Variants in IQCM observed in about 807,000 individuals in gnomAD.
The protein encoded by IQCM is IQ domain-containing protein M.
Under a neutral mutation model 57.6 loss-of-function variants are expected in IQCM, and 45 were observed. That is an observed-to-expected ratio of 0.78 (90% CI 0.62 to 1.00). The LOEUF is 1.00. Ranked by LOEUF, IQCM falls within the 50% of genes least tolerant of loss-of-function variation. The probability of loss-of-function intolerance (pLI) is 0.00; values close to 1 mark genes in which losing one functional copy is unlikely to be tolerated. For synonymous variants in IQCM, 148 were observed against 158.9 expected (o/e 0.93, Z 0.51); for missense variants, 468 against 511.6 (o/e 0.91, Z 0.82).
intron 12 of IQCM, among the ~76,000 whole-genome samples, chr4:149,546,339 A>T (rs1211080758): frequency 6.6e-6 from 1 of 152,192 alleles, no homozygotes; most frequent in African/African-American, 2.4e-5. Context: ...ATACCCAGTA[A>T]TGGGATGGCT....
chr4:149,417,818 T>TC lies in IQCM; in HGVS notation c.1390+15577dup, dbSNP rs1240884450. 1.0e-4 allele frequency among the ~76,000 whole-genome samples: 15 copies of TC among 149,030 alleles called. No homozygotes were observed. In the South Asian group the frequency reaches 3.0e-3, roughly 29 times the overall value. On this transcript the variant is annotated intron_variant, in intron 13 of 13. Coordinates refer to ENST00000636793, the MANE Select transcript of IQCM (RefSeq NM_001363507.2). The stretch of plus-strand genomic sequence containing the variant: ...CAAAAGCATTCTCTATTTCCCTTTT[T>TC]CCTTTTTTTTTTTTTTTGGAAGGCA...
chr4:149,367,126 T>C (rs191447079), intron 13 of IQCM, among the ~76,000 whole-genome samples: 72 of 152,118 alleles, frequency 4.7e-4, no homozygotes, highest in Middle Eastern at 3.4e-3. Context: ...ATTAGTAACA[T>C]GTTTCATTGA....
At chr4:149,693,946 C>T (rs961328540) in intron 5 of IQCM, among the ~76,000 whole-genome samples, 5 of 152,168 alleles carry the variant, frequency 3.3e-5, no homozygotes, top group Admixed American at 1.3e-4. Context: ...TCTATCTTAA[C>T]ATTGAAACAA....
chr4:149,740,976 A>C (rs1228250563), intron 3 of IQCM, among the ~76,000 whole-genome samples: 1 of 152,138 alleles, frequency 6.6e-6, no homozygotes, highest in Non-Finnish European at 1.5e-5. Flanking sequence ...AAGTAAATAG[A>C]AGCTCTTTGG....
At chr4:149,596,486 A>C (rs1203547253) in intron 8 of IQCM, among the ~76,000 whole-genome samples, 1 of 152,074 alleles carries the variant, frequency 6.6e-6, no homozygotes, top group Non-Finnish European at 1.5e-5. Flanking sequence ...TGCAGTTGAG[A>C]GGTAAACATT....
intron 2 of IQCM, among the ~76,000 whole-genome samples, chr4:149,751,681 C>T (rs192897335): frequency 6.6e-6 from 1 of 152,316 alleles, no homozygotes; most frequent in East Asian, 1.9e-4. Flanking sequence ...ACCTGGTCCA[C>T]TCAGTAAGTA....
chr4:149,566,211 C>G (rs1750617826), intron 9 of IQCM, among the ~76,000 whole-genome samples: 1 of 152,120 alleles, frequency 6.6e-6, no homozygotes, highest in African/African-American at 2.4e-5. Context: ...GCATCAAGAT[C>G]TACTATGAAA....
intron 5 of IQCM, among the ~76,000 whole-genome samples, chr4:149,703,303 T>C (rs1319430400): frequency 6.6e-6 from 1 of 151,924 alleles, no homozygotes; most frequent in Admixed American, 6.6e-5. Flanking sequence ...ATCAAATGGG[T>C]TTATGGAATT....
chr4:149,637,944 A>G (rs1757864937), intron 7 of IQCM, among the ~76,000 whole-genome samples: 2 of 152,222 alleles, frequency 1.3e-5, no homozygotes, highest in South Asian at 4.1e-4. Flanking sequence ...TTAAAAATGG[A>G]AAAATTGGAC....
chr4:149,473,406 A>T (rs1017195673), intron 12 of IQCM, among the ~76,000 whole-genome samples: 1 of 152,242 alleles, frequency 6.6e-6, no homozygotes, highest in Non-Finnish European at 1.5e-5. Flanking sequence ...AGAGAAATGC[A>T]TATCAAAACC....
intron 7 of IQCM, among the ~76,000 whole-genome samples, chr4:149,676,790 T>C (rs756398114): frequency 6.6e-6 from 1 of 152,080 alleles, no homozygotes; most frequent in East Asian, 1.9e-4. Flanking sequence ...CTTTTCTTTT[T>C]CCTTTAATAA....
intron 13 of IQCM, among the ~76,000 whole-genome samples, chr4:149,359,901 C>T (rs1729351681): frequency 6.6e-6 from 1 of 152,124 alleles, no homozygotes; most frequent in Non-Finnish European, 1.5e-5. Context: ...CATTGAGTAT[C>T]TACTGAGTCC....
intron 2 of IQCM, among the ~76,000 whole-genome samples, chr4:149,792,011 C>T (rs1772668998): frequency 6.6e-6 from 1 of 152,088 alleles, no homozygotes; most frequent in African/African-American, 2.4e-5. Context: ...TAAACTGATG[C>T]AAATAGGATG....
chr4:149,504,239 T>C (rs1312518501), intron 12 of IQCM, among the ~76,000 whole-genome samples: 1 of 152,078 alleles, frequency 6.6e-6, no homozygotes, highest in Non-Finnish European at 1.5e-5. Flanking sequence ...ACAGTATAAA[T>C]TTAAAAAAAC....
intron 13 of IQCM, among the ~76,000 whole-genome samples, chr4:149,379,369 G>T (rs1730920378): frequency 6.6e-6 from 1 of 152,140 alleles, no homozygotes; most frequent in Non-Finnish European, 1.5e-5. Context: ...CTCCATGCCA[G>T]CCCATGAAAG....
At chr4:149,640,458 A>T (rs1011403651) in intron 7 of IQCM, among the ~76,000 whole-genome samples, 1 of 152,216 alleles carries the variant, frequency 6.6e-6, no homozygotes, top group African/African-American at 2.4e-5. Flanking sequence ...CCTGGTCCTC[A>T]TATTCACCAT....
chr4:149,764,404 A>G (rs997358037), intron 2 of IQCM, among the ~76,000 whole-genome samples: 2 of 152,162 alleles, frequency 1.3e-5, no homozygotes, highest in African/African-American at 2.4e-5. Flanking sequence ...AGCAGCTACA[A>G]GAGATTTCCT....
intron 12 of IQCM, among the ~76,000 whole-genome samples, chr4:149,541,656 G>A (rs959476754): frequency 2.6e-5 from 4 of 151,734 alleles, no homozygotes; most frequent in Admixed American, 6.6e-5. Context: ...TTTTAAGATC[G>A]GCCTACAAAT....
chr4:149,647,429 G>A (rs947127266), intron 7 of IQCM, among the ~76,000 whole-genome samples: 11 of 151,554 alleles, frequency 7.3e-5, no homozygotes, highest in Middle Eastern at 3.4e-3. Context: ...TATCTACTTT[G>A]TCTTTATTTA....
Sources: gnomAD v4.1 joint callset for allele counts (sites outside exome capture counted in the v4.1 genomes callset) on GRCh38, gnomAD v4.1.1 for gene constraint, MANE v1.5 for transcripts, NCBI Gene and HGNC (gene_info 2026-07-23, HGNC 2026-07-21) for gene names.